The following UTRN variants were observed in gnomAD, a reference collection of about 807,000 sequenced individuals.
UTRN encodes the protein dystrophin-related protein 1.
UTRN carries 283 observed loss-of-function variants against 463.9 expected under a neutral mutation model. The ratio of observed to expected loss-of-function variants is 0.61; its 90% CI spans 0.55 to 0.67. UTRN has a LOEUF of 0.67. UTRN is among the 30% of genes least tolerant of loss of function. The pLI, the probability that UTRN is intolerant of heterozygous loss-of-function variation, is 0.00. For synonymous variants in UTRN, 1,442 were observed against 1,431.5 expected, an observed-to-expected ratio of 1.01 and a Z score of -0.17; for missense variants, 3,922 against 4,084.3, an observed-to-expected ratio of 0.96 and a Z score of 1.08.
At chr6:144,696,118 T>C (rs1260631681) in intron 52 of UTRN, among the ~76,000 whole-genome samples, 1 of 152,224 alleles carries the variant, frequency 6.6e-6, no homozygotes, top group Non-Finnish European at 1.5e-5. Context: ...CATTTAAATC[T>C]AATGTTACCA....
chr6:144,531,060 A>T lies in UTRN; in HGVS notation c.5915A>T (p.Asp1972Val), dbSNP rs757277673. Residue 1972 changes from aspartate to valine, a missense_variant, in exon 42 of 75, where the codon GAC becomes GTC. Asp to Val is a radical substitution (Grantham distance 152). Transcript: ENST00000367545. ...RMYSDRKGCF[D>V]RAMEEWRQFH... ...TGTGTATTGTCCTCTAGTTGTTTTGACAGGGCAATGGAAGAATGGAGACAG... is the reference window on the plus strand; with the variant it reads ...TGTGTATTGTCCTCTAGTTGTTTTGTCAGGGCAATGGAAGAATGGAGACAG... 14 of 1,613,654 alleles carry T rather than the reference A, an allele frequency of 8.7e-6. No homozygotes were observed. The highest frequency in any genetic ancestry group is 1.2e-5 in the Non-Finnish European group (14 of 1,179,822).
intron 53 of UTRN, among the ~76,000 whole-genome samples, chr6:144,713,813 G>C (rs1197695805): frequency 6.6e-6 from 1 of 151,372 alleles, no homozygotes; most frequent in Non-Finnish European, 1.5e-5. Context: ...CCAGCTACTC[G>C]GGAGGCTGAG....
At chr6:144,824,417 T>C (rs1478692823) in intron 66 of UTRN, among the ~76,000 whole-genome samples, 6 of 51,038 alleles carry the variant, frequency 1.2e-4, no homozygotes, top group African/African-American at 1.0e-3. Context: ...TATATATATA[T>C]ATACACACAC....
At chr6:144,295,681 G>C (rs930398535) in intron 2 of UTRN, among the ~76,000 whole-genome samples, 13 of 152,194 alleles carry the variant, frequency 8.5e-5, no homozygotes, top group African/African-American at 3.1e-4. Flanking sequence ...CCCAGTCTCT[G>C]TTTGCACACC....
At chr6:144,805,070 G>A (rs1778028020) in intron 65 of UTRN, among the ~76,000 whole-genome samples, 1 of 152,114 alleles carries the variant, frequency 6.6e-6, no homozygotes, top group African/African-American at 2.4e-5. Flanking sequence ...AGAAGTGGGT[G>A]GACAGGGATG....
intron 49 of UTRN, among the ~76,000 whole-genome samples, chr6:144,555,627 C>T (rs184045585): frequency 3.9e-5 from 6 of 152,252 alleles, no homozygotes; most frequent in East Asian, 1.9e-4. Flanking sequence ...GACGGGGTTC[C>T]GCCATGTTGC....
At chr6:144,381,175 A>T (rs577437023) in intron 2 of UTRN, among the ~76,000 whole-genome samples, 8 of 151,196 alleles carry the variant, frequency 5.3e-5, no homozygotes, top group Non-Finnish European at 1.0e-4. Context: ...CCTCCCCCCA[A>T]CCTCCACCCT....
intron 34 of UTRN, among the ~76,000 whole-genome samples, chr6:144,505,368 C>A (rs1264236892): frequency 6.6e-6 from 1 of 151,994 alleles, no homozygotes; most frequent in East Asian, 1.9e-4. Flanking sequence ...TAGATCTTTC[C>A]TGCTTTCTCA....
At chr6:144,367,454 C>A (rs978846080) in intron 2 of UTRN, among the ~76,000 whole-genome samples, 1 of 151,504 alleles carries the variant, frequency 6.6e-6, no homozygotes, top group Admixed American at 6.6e-5. Flanking sequence ...TTATGACTTT[C>A]CTCAATTATT....
rs1390775885 is a variant in UTRN, at chr6:144,852,729, G to A, written c.*1732G>A. The A allele has an allele frequency of 6.6e-6, 1 of 152,488 alleles. No individual in the cohort carries two copies. The highest frequency in any genetic ancestry group is 2.4e-5 in the African/African-American group (1 of 41,408). The allele number at this position is 152,488 out of a possible 1,614,324, so 9.4% of individuals were successfully genotyped here. ...ATTTAAAGAAAAAACAATTCCCTGA[G>A]CTCTCAACTCCAAGTTGTAGATTTG... On this transcript the variant is annotated 3_prime_UTR_variant, in exon 75 of 75. Transcript: ENST00000367545.
At chr6:144,493,585 T>C (rs955197251) in intron 33 of UTRN, 129 bp downstream of exon 33, 2 of 996,260 alleles carry the variant, frequency 2.0e-6, no homozygotes, top group African/African-American at 3.2e-5. Flanking sequence ...TTGAAAATTA[T>C]GAGATTCATA....
At chr6:144,830,536 A>G (rs1780577637) in intron 69 of UTRN, among the ~76,000 whole-genome samples, 1 of 152,146 alleles carries the variant, frequency 6.6e-6, no homozygotes, top group Non-Finnish European at 1.5e-5. Context: ...AAAACTCATC[A>G]CACCCTAATG....
intron 51 of UTRN, among the ~76,000 whole-genome samples, chr6:144,613,638 C>G (rs1459555561): frequency 6.6e-6 from 1 of 151,948 alleles, no homozygotes; most frequent in Non-Finnish European, 1.5e-5. Context: ...TACAAAGGGA[C>G]ATGAAAGGAC....
At chr6:144,624,781 C>T (rs372124363) in intron 51 of UTRN, among the ~76,000 whole-genome samples, 26 of 152,214 alleles carry the variant, frequency 1.7e-4, no homozygotes, top group South Asian at 1.2e-3. Context: ...CAGGTCTTTA[C>T]GAGAGCATTT....
At position 144,818,083 on chromosome 6, in the gene UTRN, TTTGTCATTTTTTTCAC is replaced by T. The variant is rs1779241682; in HGVS notation, c.9358-2798_9358-2783del. 7.2e-5 allele frequency among the ~76,000 whole-genome samples: 11 copies of T among 152,292 alleles called. No individual in the cohort carries two copies. The South Asian group carries it at 2.1e-3, about 29-fold the overall frequency. ...GAATTGAACTGGCACTTTTGAATAATTTGTCATTTTTTTCACAAGCAAGAGTTCATGTTGGAACTCA... is the reference window on the plus strand; with the variant it reads ...GAATTGAACTGGCACTTTTGAATAATAAGCAAGAGTTCATGTTGGAACTCA... On this transcript the variant is annotated intron_variant, in intron 65 of 74. Coordinates refer to ENST00000367545, the MANE Select transcript of UTRN (RefSeq NM_007124.3).
At chr6:144,344,110 A>AC (rs1333221837) in intron 2 of UTRN, 158 of 1,128,130 alleles carry the variant, frequency 1.4e-4, no homozygotes, top group Non-Finnish European at 1.7e-4. Flanking sequence ...AAAAAAAAAA[A>AC]CCCAAAATAA....
At chr6:144,523,537 G>A (rs955756772) in intron 41 of UTRN, among the ~76,000 whole-genome samples, 3 of 152,004 alleles carry the variant, frequency 2.0e-5, no homozygotes, top group South Asian at 2.1e-4. Flanking sequence ...ATTGAACTCC[G>A]GACCTCAGGC....
At chr6:144,501,988 T>G (rs1431969774) in intron 34 of UTRN, among the ~76,000 whole-genome samples, 1 of 152,186 alleles carries the variant, frequency 6.6e-6, no homozygotes, top group Non-Finnish European at 1.5e-5. Context: ...TATCACCAAA[T>G]TGGTCTTTTA....
intron 53 of UTRN, among the ~76,000 whole-genome samples, chr6:144,710,247 CA>C (rs1478528180): frequency 1.3e-5 from 2 of 152,158 alleles, no homozygotes; most frequent in African/African-American, 4.8e-5. Flanking sequence ...ATATAAAAAA[CA>C]GAAAACCAAA....
Sources: allele counts gnomAD v4.1 joint callset (sites outside exome capture counted in the v4.1 genomes callset), GRCh38; gene constraint gnomAD v4.1.1; transcripts MANE v1.5; gene names NCBI Gene and HGNC (gene_info 2026-07-23, HGNC 2026-07-21).